The following PIEZO2 variants were observed in gnomAD, a reference collection of about 807,000 sequenced individuals.
The protein encoded by PIEZO2 is piezo-type mechanosensitive ion channel component 2.
Under a neutral mutation model 337.3 loss-of-function variants are expected in PIEZO2, and 172 were observed. That is an observed-to-expected ratio of 0.51 (90% CI 0.45 to 0.58). The LOEUF is 0.58. Among genes scored for constraint, PIEZO2 ranks in the 20% least tolerant of loss-of-function variants. The probability of loss-of-function intolerance (pLI) is 0.00; values close to 1 mark genes in which losing one functional copy is unlikely to be tolerated. For synonymous variants in PIEZO2, 1,251 were observed against 1,228.5 expected, an observed-to-expected ratio of 1.02 and a Z score of -0.38; for missense variants, 3,028 against 3,391.3, an observed-to-expected ratio of 0.89 and a Z score of 2.66.
At position 11,067,187 on chromosome 18, in the gene PIEZO2, T is replaced by TAATACAA. The variant is rs1397042597; in HGVS notation, c.65-972_65-966dup. The stretch of plus-strand genomic sequence containing the variant: ...AGTCCTTAGCTACCAATGATTACCT[T>TAATACAA]AATACAATGTATACTATTAGGTGAT... On this transcript the variant is annotated intron_variant, in intron 1 of 55. Transcript: ENST00000674853. Among the ~76,000 whole-genome samples, 4 of 152,194 alleles carry TAATACAA rather than the reference T, an allele frequency of 2.6e-5. No individual in the cohort carries two copies. The East Asian group carries it at 7.7e-4, about 29-fold the overall frequency.
chr18:10,786,182 C>G (rs892961655), intron 16 of PIEZO2, among the ~76,000 whole-genome samples: 2 of 152,248 alleles, frequency 1.3e-5, no homozygotes, highest in Non-Finnish European at 2.9e-5. Context: ...CCCTTACTCA[C>G]TGCCTCAGCC....
intron 27 of PIEZO2, among the ~76,000 whole-genome samples, chr18:10,753,448 C>T (rs2037722373): frequency 6.6e-6 from 1 of 152,146 alleles, no homozygotes; most frequent in Non-Finnish European, 1.5e-5. Context: ...GCCACCCATC[C>T]CTGCTGCTTT....
At position 11,066,134 on chromosome 18, in the gene PIEZO2, C is replaced by A; in HGVS notation, c.153G>T (p.Thr51=). The change falls in exon 2 of 56, where the codon ACG becomes ACT. Residue 51 remains threonine, a synonymous_variant. Coordinates refer to ENST00000674853, the MANE Select transcript of PIEZO2 (RefSeq NM_001378183.1). ...IPLFSEPTKT[T]MQGHTGRLLK... is the part of the protein sequence containing the mutation. Reference sequence around the variant, plus strand: ...ATAACAAAATTCTCTTACCTTGCATCGTCGTTTTTGTTGGTTCTGAGAACA... The same window carrying A: ...ATAACAAAATTCTCTTACCTTGCATAGTCGTTTTTGTTGGTTCTGAGAACA... The A allele has an allele frequency of 3.3e-6, 5 of 1,531,252 alleles. No individual in the cohort carries two copies. Among genetic ancestry groups the A allele is most frequent in the South Asian group, 1.2e-5 (1 of 83,912 alleles). 94.9% of individuals were successfully genotyped at this position (1,531,252 alleles called of 1,614,324 possible). A position where few individuals can be genotyped will look rare whatever the true frequency, so the allele number is the denominator to read the frequency against.
chr18:11,134,984 C>T (rs1033181002), intron 1 of PIEZO2, among the ~76,000 whole-genome samples: 3 of 151,492 alleles, frequency 2.0e-5, no homozygotes, highest in Non-Finnish European at 4.4e-5. Flanking sequence ...ATTGACCCCC[C>T]ACCCCACCCA....
chr18:11,093,576 C>CTTTTTT (rs67441841), intron 1 of PIEZO2, among the ~76,000 whole-genome samples: 4 of 56,632 alleles, frequency 7.1e-5, no homozygotes, highest in Admixed American at 2.9e-4. Flanking sequence ...CACTCAACAT[C>CTTTTTT]TTTTTTTTTT....
intron 1 of PIEZO2, among the ~76,000 whole-genome samples, chr18:11,140,902 T>TG (rs1479666401): frequency 6.6e-6 from 1 of 152,068 alleles, no homozygotes; most frequent in Non-Finnish European, 1.5e-5. Context: ...CCGTAGAGGG[T>TG]GGGGAAGGAG....
intron 48 of PIEZO2, among the ~76,000 whole-genome samples, 167 bp from the exon 49 acceptor site, chr18:10,689,969 T>C (rs891908696): frequency 1.3e-5 from 2 of 152,246 alleles, no homozygotes; most frequent in African/African-American, 2.4e-5. Context: ...CTGCTTTTCA[T>C]TATAAGTCGA....
chr18:10,904,990 C>T (rs181569651), intron 4 of PIEZO2, among the ~76,000 whole-genome samples: 16 of 152,252 alleles, frequency 1.1e-4, no homozygotes, highest in South Asian at 2.1e-4. Context: ...GAAGCACAGG[C>T]TTAAAAATGT....
chr18:11,075,980 G>A (rs1239760733), intron 1 of PIEZO2, among the ~76,000 whole-genome samples: 1 of 151,940 alleles, frequency 6.6e-6, no homozygotes, highest in Non-Finnish European at 1.5e-5. Flanking sequence ...TAGAGACGGG[G>A]TTTCACTGTG....
rs2041815094 is a variant in PIEZO2 at position 10,859,461 on chromosome 18, AT to A, written c.493-2251del. 2.0e-5 allele frequency among the ~76,000 whole-genome samples: 3 copies of A among 152,172 alleles called. No individual in the cohort carries two copies. In the South Asian group the frequency reaches 6.2e-4, roughly 32 times the overall value. The stretch of plus-strand genomic sequence containing the variant: ...CCTCCTGTAACAAGACAAGCTGCAT[AT>A]GCTCCAGCCATGATGACTGCATCCC... On this transcript the variant is annotated intron_variant, in intron 5 of 55. Coordinates refer to ENST00000674853, the MANE Select transcript of PIEZO2 (RefSeq NM_001378183.1). This position sits in a 1 kb window ranked among gnomAD's most constrained non-coding sequence, Gnocchi z 4.9.
chr18:10,793,504 A>G (rs1229459065), intron 13 of PIEZO2, among the ~76,000 whole-genome samples: 1 of 152,214 alleles, frequency 6.6e-6, no homozygotes, highest in Non-Finnish European at 1.5e-5. Context: ...CAATTCAACT[A>G]GTGACTTGGC....
chr18:11,135,402 A>C (rs2040453327), intron 1 of PIEZO2, among the ~76,000 whole-genome samples: 1 of 152,258 alleles, frequency 6.6e-6, no homozygotes, highest in Admixed American at 6.5e-5. Flanking sequence ...GAGTAAAATC[A>C]GAGTATGATT....
At chr18:11,119,459 A>T (rs1323499945) in intron 1 of PIEZO2, among the ~76,000 whole-genome samples, 1 of 152,218 alleles carries the variant, frequency 6.6e-6, no homozygotes, top group Non-Finnish European at 1.5e-5. Flanking sequence ...TTTGATTAAA[A>T]ATAAAACCAA....
At chr18:10,843,699 T>C (rs1332610733) in intron 7 of PIEZO2, among the ~76,000 whole-genome samples, 1 of 152,164 alleles carries the variant, frequency 6.6e-6, no homozygotes, top group Non-Finnish European at 1.5e-5. Context: ...TGCTACTTGA[T>C]ACTGAGAGAC....
rs528028079 is a variant in PIEZO2, at chr18:11,014,261, C to T, written c.161-34601G>A. 6.4e-5 allele frequency among the ~76,000 whole-genome samples: 9 copies of T among 140,032 alleles called. No homozygotes were observed. The South Asian group carries it at 7.0e-4, about 11-fold the overall frequency. 91.9% of individuals were successfully genotyped at this position (140,032 alleles called of 152,430 possible). ...GGAACATGTCACCCTGGTGGGACAGCGATCCAAGGCCCTCTCATTCCTCAG... is the reference window on the plus strand; with the variant it reads ...GGAACATGTCACCCTGGTGGGACAGTGATCCAAGGCCCTCTCATTCCTCAG... On this transcript the variant is annotated intron_variant, in intron 2 of 55. Transcript: ENST00000674853.
At chr18:10,734,027 G>A (rs2036895420) in intron 35 of PIEZO2, among the ~76,000 whole-genome samples, 1 of 152,064 alleles carries the variant, frequency 6.6e-6, no homozygotes, top group Non-Finnish European at 1.5e-5. Context: ...TATCAAAGTG[G>A]AGATCCTTAA....
At chr18:10,905,952 C>G (rs393832) in intron 4 of PIEZO2, among the ~76,000 whole-genome samples, 87,397 of 151,914 alleles carry the variant, frequency 0.58, 25,328 homozygotes, top group East Asian at 0.8. Context: ...GGTCATGCTC[C>G]TGGGAGTGGG....
intron 2 of PIEZO2, among the ~76,000 whole-genome samples, chr18:11,064,511 T>C (rs1189819480): frequency 6.6e-6 from 1 of 152,214 alleles, no homozygotes; most frequent in Non-Finnish European, 1.5e-5. Context: ...GCAGAGAGGA[T>C]TAAGTTTTTT....
In PIEZO2 at chr18:11,143,764, A is replaced by G. The variant is rs2040737562; in HGVS notation, c.64+4761T>C. 6.6e-6 allele frequency among the ~76,000 whole-genome samples: 1 copy of G among 151,664 alleles called. No homozygotes were observed. The highest frequency in any genetic ancestry group is 6.6e-5 in the Admixed American group (1 of 15,204). ...CCTCAGATCAGCCTTCTCCTGGCCC[A>G]TGCTCTTACCTCCTAGTCTGTTAAT... On this transcript the variant is annotated intron_variant, in intron 1 of 55. Coordinates refer to ENST00000674853, the MANE Select transcript of PIEZO2 (RefSeq NM_001378183.1). The surrounding 1 kb of genome is among the most constrained non-coding windows in gnomAD (Gnocchi z 4.9).
Sources: gnomAD v4.1 joint callset for allele counts (sites outside exome capture counted in the v4.1 genomes callset) on GRCh38, gnomAD v4.1.1 for gene constraint, Gnocchi (gnomAD v3.1) non-coding constraint, MANE v1.5 for transcripts, NCBI Gene and HGNC (gene_info 2026-07-23, HGNC 2026-07-21) for gene names.